Variants in SPIDR observed in about 807,000 individuals in gnomAD.
The protein encoded by SPIDR is scaffold protein involved in DNA repair.
A neutral mutation model predicts 104.6 loss-of-function variants in SPIDR; 93 were observed. That is an observed-to-expected ratio of 0.89 (90% CI 0.75 to 1.06). The LOEUF is 1.06. Among genes scored for constraint, SPIDR ranks in the 50% least tolerant of loss-of-function variants. SPIDR has a pLI of 0.00. For synonymous variants in SPIDR, 431 were observed against 416.9 expected (o/e 1.03, Z -0.41); for missense variants, 1,154 against 1,111.2 (o/e 1.04, Z -0.55).
At chr8:47,325,493 A>G (rs2047507644) in intron 5 of SPIDR, among the ~76,000 whole-genome samples, 1 of 152,222 alleles carries the variant, frequency 6.6e-6, no homozygotes, top group African/African-American at 2.4e-5. Flanking sequence ...TCAGTTGGTC[A>G]GTCTATTTTC....
intron 10 of SPIDR, among the ~76,000 whole-genome samples, chr8:47,624,531 G>A (rs1245243424): frequency 6.6e-6 from 1 of 152,044 alleles, no homozygotes; most frequent in East Asian, 1.9e-4. Flanking sequence ...TCAAAGAGAC[G>A]CAATAAAAAA....
chr8:47,593,985 T>G (rs1422515480), intron 8 of SPIDR, among the ~76,000 whole-genome samples: 1 of 151,956 alleles, frequency 6.6e-6, no homozygotes, highest in East Asian at 1.9e-4. Context: ...TGGTTACTAC[T>G]GTCAGGAGGA....
At chr8:47,436,366 G>A (rs1226529514) in intron 7 of SPIDR, among the ~76,000 whole-genome samples, 5 of 152,136 alleles carry the variant, frequency 3.3e-5, no homozygotes, top group Admixed American at 6.6e-5. Flanking sequence ...TTATGTACTA[G>A]TCATCTAATT....
chr8:47,326,167 G>GTATC (rs1440141886), intron 5 of SPIDR, among the ~76,000 whole-genome samples: 1 of 151,962 alleles, frequency 6.6e-6, no homozygotes, highest in African/African-American at 2.4e-5. Flanking sequence ...GCTCGTTTCT[G>GTATC]TATTTATTTA....
intron 7 of SPIDR, among the ~76,000 whole-genome samples, chr8:47,410,060 T>C (rs1206281418): frequency 4.6e-5 from 7 of 152,074 alleles, no homozygotes; most frequent in Non-Finnish European, 1.0e-4. Context: ...TTCCCAGCTG[T>C]CGCTTAGCAA....
chr8:47,340,693 C>G (rs1554613419), intron 5 of SPIDR, among the ~76,000 whole-genome samples: 1 of 151,076 alleles, frequency 6.6e-6, no homozygotes, highest in Non-Finnish European at 1.5e-5. Flanking sequence ...AGGTTCATCA[C>G]TAGAAATACC....
chr8:47,558,231 A>G (rs1053817892), intron 8 of SPIDR, among the ~76,000 whole-genome samples: 1 of 152,202 alleles, frequency 6.6e-6, no homozygotes, highest in Non-Finnish European at 1.5e-5. Flanking sequence ...CAGCATCAGT[A>G]GAAGCCCAAA....
chr8:47,649,041 C>T (rs1241668807), intron 10 of SPIDR, among the ~76,000 whole-genome samples: 1 of 152,026 alleles, frequency 6.6e-6, no homozygotes, highest in Non-Finnish European at 1.5e-5. Context: ...TCAGCGTCAT[C>T]AGTATTGGGA....
At chr8:47,310,669 CAG>C (rs1376889333) in intron 5 of SPIDR, among the ~76,000 whole-genome samples, 3 of 152,090 alleles carry the variant, frequency 2.0e-5, no homozygotes, top group African/African-American at 7.2e-5. Context: ...AACCACAAGA[CAG>C]AGTTAGGGGT....
rs1211160721 is a variant in SPIDR at position 47,734,148 on chromosome 8, G to T, written c.2605-1159G>T. On this transcript the variant is annotated intron_variant, in intron 19 of 19. Coordinates refer to ENST00000297423, the MANE Select transcript of SPIDR (RefSeq NM_001080394.4). ...GGATAGCTCCACTGGGCATTAGCGG[G>T]TGCCCCCAAGGCCGGTGGGAGTCAC... is the stretch of plus-strand genomic sequence containing the variant. 3.3e-5 allele frequency among the ~76,000 whole-genome samples: 5 copies of T among 152,270 alleles called. No individual in the cohort carries two copies. The East Asian group carries it at 9.6e-4, about 29-fold the overall frequency.
At chr8:47,653,934 A>T in intron 10 of SPIDR, 1 of 966,042 alleles carries the variant, frequency 1.0e-6, no homozygotes, top group Non-Finnish European at 1.2e-6. Context: ...GAATAAGAGA[A>T]GTCTTCATAT....
intron 5 of SPIDR, among the ~76,000 whole-genome samples, chr8:47,345,637 A>T (rs939531990): frequency 6.6e-6 from 1 of 152,012 alleles, no homozygotes; most frequent in East Asian, 1.9e-4. Context: ...CTTTTATTTC[A>T]TTGAGCAGTG....
At chr8:47,706,056 T>A (rs1198074576) in intron 14 of SPIDR, among the ~76,000 whole-genome samples, 1 of 152,128 alleles carries the variant, frequency 6.6e-6, no homozygotes, top group Non-Finnish European at 1.5e-5. Context: ...GGTGCACCCC[T>A]CCACCCCCAT....
At chr8:47,346,502 C>T (rs1028535813) in intron 5 of SPIDR, among the ~76,000 whole-genome samples, 30 of 152,102 alleles carry the variant, frequency 2.0e-4, no homozygotes, top group African/African-American at 7.2e-4. Flanking sequence ...AGGGAGGATT[C>T]CCTCTTTTTC....
rs572480139 is a variant in SPIDR, at chr8:47,371,912, G to A, written c.526-24464G>A. Among the ~76,000 whole-genome samples the A allele has an allele frequency of 1.4e-3, 212 of 152,088 alleles. 3 individuals are homozygous for A. The highest frequency in any genetic ancestry group is 1.9e-3 in the Non-Finnish European group (131 of 68,020). On this transcript the variant is annotated intron_variant, in intron 5 of 19. Transcript: ENST00000297423. The stretch of plus-strand genomic sequence containing the variant: ...ATATTATTTGTCCCCTGGTTCTGCC[G>A]TATTGACTACATGGTGACTCTCCAA...
intron 8 of SPIDR, among the ~76,000 whole-genome samples, chr8:47,564,361 G>A (rs982073933): frequency 6.6e-6 from 1 of 150,960 alleles, no homozygotes; most frequent in African/African-American, 2.4e-5. Flanking sequence ...ACAGGCATGA[G>A]CCACCACGCC....
chr8:47,349,688 C>T (rs1022671686), intron 5 of SPIDR, among the ~76,000 whole-genome samples: 1 of 152,242 alleles, frequency 6.6e-6, no homozygotes, highest in Non-Finnish European at 1.5e-5. Flanking sequence ...AGTCGCACCT[C>T]CCCCAGCATC....
chr8:47,476,965 T>C (rs2076360529), intron 8 of SPIDR, among the ~76,000 whole-genome samples: 1 of 152,218 alleles, frequency 6.6e-6, no homozygotes, highest in Non-Finnish European at 1.5e-5. Flanking sequence ...AAATATAACC[T>C]GTTTAAATGA....
intron 8 of SPIDR, among the ~76,000 whole-genome samples, chr8:47,532,141 G>T (rs1262758216): frequency 1.3e-5 from 2 of 150,224 alleles, no homozygotes; most frequent in African/African-American, 4.9e-5. Flanking sequence ...CGCGATCTCG[G>T]CTCACTGCAA....
Sources: gnomAD v4.1 joint callset for allele counts (sites outside exome capture counted in the v4.1 genomes callset) on GRCh38, gnomAD v4.1.1 for gene constraint, MANE v1.5 for transcripts, NCBI Gene and HGNC (gene_info 2026-07-23, HGNC 2026-07-21) for gene names.